ITGB5: variants seen among roughly 807,000 people sequenced by gnomAD.
The protein encoded by ITGB5 is integrin beta-5.
Under a neutral mutation model 84.8 loss-of-function variants are expected in ITGB5, and 38 were observed. The ratio of observed to expected loss-of-function variants is 0.45; its 90% CI spans 0.35 to 0.59. ITGB5 has a LOEUF of 0.59. ITGB5 is among the 20% of genes least tolerant of loss of function. ITGB5 has a pLI of 0.01. For synonymous variants in ITGB5, 393 were observed against 414.4 expected, an observed-to-expected ratio of 0.95 and a Z score of 0.63; for missense variants, 905 against 1,034.5, an observed-to-expected ratio of 0.87 and a Z score of 1.72.
intron 5 of ITGB5, among the ~76,000 whole-genome samples, chr3:124,840,389 T>A (rs890448022): frequency 5.9e-5 from 9 of 152,156 alleles, no homozygotes; most frequent in African/African-American, 1.9e-4. Flanking sequence ...AAGAAGAGAC[T>A]CACAGATTTT....
At chr3:124,836,468 A>G (rs538732452) in intron 5 of ITGB5, among the ~76,000 whole-genome samples, 1 of 152,302 alleles carries the variant, frequency 6.6e-6, no homozygotes, top group Middle Eastern at 3.4e-3. Flanking sequence ...AAAAGAAAAA[A>G]AAATTGTTTT....
intron 10 of ITGB5, among the ~76,000 whole-genome samples, chr3:124,782,802 A>C (rs2064023506): frequency 6.6e-6 from 1 of 152,066 alleles, no homozygotes; most frequent in Non-Finnish European, 1.5e-5. Flanking sequence ...AGGAGGTTGC[A>C]GTGAGCTGAG....
chr3:124,810,107 GAGT>G (rs2064474481), intron 8 of ITGB5, among the ~76,000 whole-genome samples: 1 of 152,210 alleles, frequency 6.6e-6, no homozygotes, highest in South Asian at 2.1e-4. Context: ...TGCCTAGCAA[GAGT>G]AGAATGGATT....
At chr3:124,766,418 A>T (rs2063769639) in intron 12 of ITGB5, 73 bp from the exon 13 acceptor site, 1 of 1,560,468 alleles carries the variant, frequency 6.4e-7, no homozygotes, top group African/African-American at 1.4e-5. Flanking sequence ...CGGGGCAGGG[A>T]GCCGAGTGCC....
chr3:124,769,122 AAG>A lies in ITGB5; in HGVS notation c.1917-11_1917-10del, dbSNP rs1402486862. 3 of 1,612,300 alleles carry A rather than the reference AAG, an allele frequency of 1.9e-6. No individual in the cohort carries two copies. Among genetic ancestry groups the A allele is most frequent in the Non-Finnish European group, 2.5e-6 (3 of 1,178,702 alleles). ...GGCACTCGACGCAATCTCTTTGGAAAAGAGGAGATAAAGGTGGGTGTCAGATA... is the reference window on the plus strand; with the variant it reads ...GGCACTCGACGCAATCTCTTTGGAAAAGGAGATAAAGGTGGGTGTCAGATA... On this transcript the variant is annotated splice_polypyrimidine_tract_variant and intron_variant, in intron 11 of 14. Coordinates refer to ENST00000296181, the MANE Select transcript of ITGB5 (RefSeq NM_002213.5).
intron 11 of ITGB5, among the ~76,000 whole-genome samples, chr3:124,772,911 CTTTTTTTT>C (rs35802279): frequency 2.4e-5 from 3 of 127,314 alleles, no homozygotes; most frequent in African/African-American, 5.8e-5. Flanking sequence ...CTCCAATTTA[CTTTTTTTT>C]TTTTTTTTTT....
chr3:124,865,596 C>T (rs2065377816), intron 2 of ITGB5, among the ~76,000 whole-genome samples: 1 of 147,098 alleles, frequency 6.8e-6, no homozygotes, highest in Non-Finnish European at 1.5e-5. Flanking sequence ...AAGCTGTCTC[C>T]CCACCTCAGC....
chr3:124,859,990 T>A (rs1369292803), intron 2 of ITGB5, among the ~76,000 whole-genome samples: 2 of 152,138 alleles, frequency 1.3e-5, no homozygotes, highest in Admixed American at 1.3e-4. Flanking sequence ...AGCTGAAAAG[T>A]CTTCCCTTGG....
chr3:124,768,749 G>A (rs1316077790), intron 12 of ITGB5, among the ~76,000 whole-genome samples: 1 of 152,168 alleles, frequency 6.6e-6, no homozygotes, highest in African/African-American at 2.4e-5. Context: ...AATCCTCTAG[G>A]CTGTATACCT....
chr3:124,785,062 C>G (rs960761937), intron 10 of ITGB5, among the ~76,000 whole-genome samples: 2 of 152,196 alleles, frequency 1.3e-5, no homozygotes, highest in Non-Finnish European at 2.9e-5. Flanking sequence ...GAAGCAGCTG[C>G]TCAGCAGAAG....
intron 3 of ITGB5, among the ~76,000 whole-genome samples, chr3:124,858,239 T>C (rs556137353): frequency 6.6e-6 from 1 of 152,298 alleles, no homozygotes; most frequent in African/African-American, 2.4e-5. Flanking sequence ...GTAATTATAT[T>C]ACCGTTTCCT....
intron 1 of ITGB5, among the ~76,000 whole-genome samples, chr3:124,893,505 C>A (rs1935042304): frequency 6.6e-6 from 1 of 151,850 alleles, no homozygotes; most frequent in Admixed American, 6.6e-5. Flanking sequence ...TTTTTCTTTC[C>A]CTGTCCACCA....
At chr3:124,797,487 T>C (rs1395049289) in intron 9 of ITGB5, among the ~76,000 whole-genome samples, 1 of 152,224 alleles carries the variant, frequency 6.6e-6, no homozygotes, top group Non-Finnish European at 1.5e-5. Flanking sequence ...CTCCAACTGA[T>C]GAAATGCACC....
At chr3:124,868,089 C>T (rs972290117) in intron 2 of ITGB5, among the ~76,000 whole-genome samples, 1 of 152,182 alleles carries the variant, frequency 6.6e-6, no homozygotes, top group Non-Finnish European at 1.5e-5. Flanking sequence ...TCCTTCCTGA[C>T]ACCTTGTGAA....
chr3:124,791,312 A>G (rs933376559), intron 10 of ITGB5: 1 of 152,230 alleles, frequency 6.6e-6, no homozygotes, highest in Non-Finnish European at 1.5e-5. Context: ...TAGAAACCGC[A>G]GAGAGACACA....
chr3:124,792,583 C>T (rs1301386736), intron 10 of ITGB5: 1 of 152,154 alleles, frequency 6.6e-6, no homozygotes. Flanking sequence ...CTGTATTTTT[C>T]AAGTTTTCTT....
chr3:124,819,712 C>T (rs767830666), intron 7 of ITGB5, 27 bp downstream of exon 7: 1 of 1,537,510 alleles, frequency 6.5e-7, no homozygotes, highest in South Asian at 1.1e-5. Flanking sequence ...CCCCACAAAT[C>T]ACTAGCCTCC....
intron 3 of ITGB5, among the ~76,000 whole-genome samples, chr3:124,854,982 G>A (rs776278886): frequency 1.3e-5 from 2 of 152,086 alleles, no homozygotes; most frequent in Non-Finnish European, 2.9e-5. Flanking sequence ...GGCATGGGGG[G>A]TAGGGCAAGG....
At chr3:124,892,682 G>A (rs1935024140), upstream of ITGB5, among the ~76,000 whole-genome samples, 5 of 139,892 alleles carry the variant, frequency 3.6e-5, no homozygotes, top group South Asian at 1.2e-3. Flanking sequence ...GTGACAGAGG[G>A]AGACTCTGTA....
Sources: gnomAD v4.1 joint callset for allele counts (sites outside exome capture counted in the v4.1 genomes callset) on GRCh38, gnomAD v4.1.1 for gene constraint, MANE v1.5 for transcripts, NCBI Gene and HGNC (gene_info 2026-07-23, HGNC 2026-07-21) for gene names.